The following ANO7 variants were observed in gnomAD, a reference collection of about 807,000 sequenced individuals.
ANO7 encodes the protein anoctamin-7.
A neutral mutation model predicts 115.8 loss-of-function variants in ANO7; 114 were observed. The observed-to-expected ratio is 0.98, with a 90% CI of 0.85 to 1.15. The LOEUF (loss-of-function observed/expected upper bound fraction) is 1.15. Ranked by LOEUF, ANO7 falls within the 50% of genes most tolerant of loss-of-function variation. The pLI is 0.00. For synonymous variants in ANO7, 550 were observed against 498.2 expected (o/e 1.10, Z -1.38); for missense variants, 1,302 against 1,201.2 (o/e 1.08, Z -1.24).
chr2:241,204,692 C>T (rs1574773596), intron 9 of ANO7, among the ~76,000 whole-genome samples, 173 bp from the exon 10 acceptor site: 2 of 152,226 alleles, frequency 1.3e-5, no homozygotes, highest in South Asian at 4.1e-4. Flanking sequence ...GAGGGTGGGC[C>T]GTGCCAGAGC....
At position 241,209,320 on chromosome 2, in the gene ANO7, C is replaced by T. The variant is rs201338825; in HGVS notation, c.1113C>T (p.Phe371=). 8.3e-6 allele frequency: 13 copies of T among 1,570,680 alleles called. No individual in the cohort carries two copies. The highest frequency in any genetic ancestry group is 1.9e-5 in the Admixed American group (1 of 53,734). Residue 371 remains phenylalanine, a synonymous_variant, in exon 12 of 25, where the codon TTC becomes TTT. Coordinates refer to ENST00000674324, the MANE Select transcript of ANO7 (RefSeq NM_001370694.2). The part of the protein sequence containing the change: ...GRLFDHGGTV[F]FSLFMALWAV... ...TGTTCGACCACGGCGGCACCGTGTT[C>T]TTCAGCTTGTTCATGGCACTGTGGG...
At position 241,195,904 on chromosome 2, in the gene ANO7, A is replaced by ACCTTGC. The variant is rs753210354; in HGVS notation, c.309+61_309+66dup. 8 of 1,613,718 alleles carry ACCTTGC rather than the reference A, an allele frequency of 5.0e-6. No homozygotes were observed. The Admixed American group carries it at 1.3e-4, about 27-fold the overall frequency. On this transcript the variant is annotated intron_variant, in intron 4 of 24. Transcript: ENST00000674324. ...CCCTGCATCCACTCAGTGACCCATG[A>ACCTTGC]CCTTGCCGCATGAGGCCTGAGGGCA...
chr2:241,203,409 CGCGCTGGG>C lies in ANO7; in HGVS notation c.803_810del (p.Arg268GlnfsTer132). The C allele has an allele frequency of 6.3e-7, 1 of 1,596,792 alleles. No homozygotes were observed. The highest frequency in any genetic ancestry group is 1.7e-5 in the Admixed American group (1 of 58,442). ...CGCCAAGTCCTTTTCCAGCACTGGGCGCGCTGGGGCAAGTGGAACAAGTACCAGCCCCT... is the reference window on the plus strand; with the variant it reads ...CGCCAAGTCCTTTTCCAGCACTGGGCGCAAGTGGAACAAGTACCAGCCCCT... On this transcript the variant is annotated frameshift_variant, in exon 9 of 25. Coordinates refer to ENST00000674324, the MANE Select transcript of ANO7 (RefSeq NM_001370694.2). LOFTEE classifies it high-confidence loss of function. This position sits in a 1 kb window ranked among gnomAD's most constrained non-coding sequence, Gnocchi z 4.8.
chr2:241,218,282 A>G lies in ANO7; in HGVS notation c.2222A>G (p.Tyr741Cys), dbSNP rs1404813913. Residue 741 changes from tyrosine (Y) to cysteine (C), a missense_variant, in exon 21 of 25, where the codon TAC (tyrosine) becomes TGC (cysteine). By Grantham distance (194) the Tyr-to-Cys change is radical. Coordinates refer to ENST00000674324, the MANE Select transcript of ANO7 (RefSeq NM_001370694.2). ...TCGTCCGACTTCCTGCCGCGCGCCT[A>G]CTACCGGTGGACCCGCGCCCACGAC... ...AFSSDFLPRA[Y>C]YRWTRAHDLR... The G allele has an allele frequency of 8.5e-6, 13 of 1,534,530 alleles. No individual in the cohort carries two copies. Among genetic ancestry groups the G allele is most frequent in the Non-Finnish European group, 1.0e-5 (12 of 1,148,278 alleles).
chr2:241,197,493 C>A (rs935968605), intron 4 of ANO7, among the ~76,000 whole-genome samples: 1 of 152,174 alleles, frequency 6.6e-6, no homozygotes, highest in African/African-American at 2.4e-5. Context: ...CTCAAGCCAT[C>A]TTCCCAGCTC....
At position 241,217,773 on chromosome 2, in the gene ANO7, G is replaced by A. The variant is rs150141704; in HGVS notation, c.2060G>A (p.Arg687His). ...CTGCTCAACAACTGGGTGGAGATCC[G>A]CTTGGACGCGCGCAAGTTCGTCTGC... ...FALLNNWVEI[R>H]LDARKFVCEY... The change falls in exon 20 of 25, where the codon CGC becomes CAC. Residue 687 changes from arginine to histidine, a missense_variant. Arg to His is a conservative substitution (Grantham distance 29). Coordinates refer to ENST00000674324, the MANE Select transcript of ANO7 (RefSeq NM_001370694.2). 4,373 of 1,609,266 alleles carry A rather than the reference G, an allele frequency of 2.7e-3. 20 individuals are homozygous for A. The highest frequency in any genetic ancestry group is 2.8e-3 in the Non-Finnish European group (3,248 of 1,178,484).
chr2:241,199,502 G>A lies in ANO7; in HGVS notation c.417+79G>A, dbSNP rs537521606. On this transcript the variant is annotated intron_variant, in intron 5 of 24. Coordinates refer to ENST00000674324, the MANE Select transcript of ANO7 (RefSeq NM_001370694.2). Reference sequence around the variant, plus strand: ...CTGCGTTCAGCTGCCAGTGCCGACAGCCTCAGGAGGGCTCCCTGCTCAGAG... The same window carrying A: ...CTGCGTTCAGCTGCCAGTGCCGACAACCTCAGGAGGGCTCCCTGCTCAGAG... 3.5e-6 allele frequency: 5 copies of A among 1,429,100 alleles called. No individual in the cohort carries two copies. The South Asian group carries it at 4.7e-5, about 13-fold the overall frequency. The allele number at this position is 1,429,100 out of a possible 1,614,324, so 88.5% of individuals were successfully genotyped here.
intron 19 of ANO7, 85 bp from the exon 20 acceptor site, chr2:241,217,601 A>G: frequency 6.9e-7 from 1 of 1,442,100 alleles, no homozygotes; most frequent in Non-Finnish European, 9.4e-7. Flanking sequence ...CACCACGTGG[A>G]CTGGCCGGTC....
chr2:241,214,318 T>G (rs998293503), intron 17 of ANO7, among the ~76,000 whole-genome samples: 1 of 152,202 alleles, frequency 6.6e-6, no homozygotes, highest in Non-Finnish European at 1.5e-5. Flanking sequence ...GCACTGCTAT[T>G]CCCAGCATTG....
Position 241,200,060 on chromosome 2 carries a change from T to A in ANO7, c.418-29T>A, listed in dbSNP as rs1249754556. On this transcript the variant is annotated intron_variant, in intron 5 of 24. Transcript: ENST00000674324. Reference sequence around the variant, plus strand: ...GGGGCATTTGCCCTCCTCCCGGGAGTGGGAGGAGCCACTGACGTTTCCTTC... The same window carrying A: ...GGGGCATTTGCCCTCCTCCCGGGAGAGGGAGGAGCCACTGACGTTTCCTTC... 23 of 1,606,050 alleles carry A rather than the reference T, an allele frequency of 1.4e-5. 1 individual carries two copies. The Admixed American group carries it at 3.9e-4, about 27-fold the overall frequency.
chr2:241,197,014 A>T (rs1016717419), intron 4 of ANO7, among the ~76,000 whole-genome samples: 1 of 152,140 alleles, frequency 6.6e-6, no homozygotes, highest in Admixed American at 6.5e-5. Context: ...CTTGCTCTGT[A>T]TCTTCTCAAC....
the ANO7 span, among the ~76,000 whole-genome samples, chr2:241,233,391 C>T: frequency 6.6e-6 from 1 of 152,136 alleles, no homozygotes; most frequent in Non-Finnish European, 1.5e-5. This position sits in a 1 kb window ranked among gnomAD's most constrained non-coding sequence, Gnocchi z 4.3. Context: ...TTACTAAGGA[C>T]CATCTGGCAA....
intron 11 of ANO7, 39 bp downstream of exon 11, chr2:241,207,709 C>A: frequency 6.3e-7 from 1 of 1,588,858 alleles, no homozygotes; most frequent in Non-Finnish European, 8.6e-7. Context: ...ATTTGAGAGT[C>A]GGGGATGAGG....
At chr2:241,226,441 T>C (rs1024017175), downstream of ANO7, among the ~76,000 whole-genome samples, 2 of 151,874 alleles carry the variant, frequency 1.3e-5, no homozygotes, top group African/African-American at 2.4e-5. Flanking sequence ...TTTTTTTTTT[T>C]TGAGATGGAG....
chr2:241,223,024 G>A (rs1222275347), intron 21 of ANO7, among the ~76,000 whole-genome samples, 162 bp from the exon 22 acceptor site: 1 of 152,156 alleles, frequency 6.6e-6, no homozygotes, highest in Non-Finnish European at 1.5e-5. Context: ...ATCCTGTTTG[G>A]GAAGAATTCC....
chr2:241,200,671 AGCCAGTTGCACTATGGCACCAG>A (rs1490219424), intron 6 of ANO7, among the ~76,000 whole-genome samples: 2 of 152,254 alleles, frequency 1.3e-5, no homozygotes, highest in Non-Finnish European at 2.9e-5. Context: ...TACTGGACAA[AGCCAGTTGCACTATGGCACCAG>A]GCCTACAGAC....
intron 18 of ANO7, among the ~76,000 whole-genome samples, chr2:241,215,468 C>T (rs2068809377): frequency 6.6e-6 from 1 of 152,208 alleles, no homozygotes; most frequent in African/African-American, 2.4e-5. Flanking sequence ...CCTGATCTGC[C>T]CCCAGAAGGC....
chr2:241,230,569 T>C (rs2069619196), downstream of ANO7, among the ~76,000 whole-genome samples: 1 of 152,244 alleles, frequency 6.6e-6, no homozygotes, highest in Admixed American at 6.5e-5. The surrounding 1 kb of genome is among the most constrained non-coding windows in gnomAD (Gnocchi z 5.0). Context: ...ATGGCCACCG[T>C]GGCAGTGCAG....
intron 3 of ANO7, among the ~76,000 whole-genome samples, chr2:241,194,244 A>G (rs553452092): frequency 1.3e-4 from 19 of 148,408 alleles, no homozygotes; most frequent in African/African-American, 4.5e-4. Flanking sequence ...GATGTATTCC[A>G]AATAGCATTA....
Sources: allele counts gnomAD v4.1 joint callset (sites outside exome capture counted in the v4.1 genomes callset), GRCh38; gene constraint gnomAD v4.1.1; non-coding constraint Gnocchi (gnomAD v3.1); transcripts MANE v1.5; gene names NCBI Gene and HGNC (gene_info 2026-07-23, HGNC 2026-07-21).